Variants in OTOF observed in about 807,000 individuals in gnomAD.
OTOF encodes the protein fer-1-like family member 2.
In OTOF, 218 loss-of-function variants were observed where a neutral mutation model predicts 236.8. The observed-to-expected ratio is 0.92, with a 90% CI of 0.82 to 1.03. The LOEUF (loss-of-function observed/expected upper bound fraction) is 1.03. Among genes scored for constraint, OTOF ranks in the 50% least tolerant of loss-of-function variants. The pLI is 0.00. For missense variants in OTOF, 2,590 were observed against 2,694.4 expected, an observed-to-expected ratio of 0.96 and a Z score of 0.86; for synonymous variants, 1,041 against 1,072.5, an observed-to-expected ratio of 0.97 and a Z score of 0.57.
In OTOF at chr2:26,470,867, C is replaced by G; in HGVS notation, c.3895-146G>C. On this transcript the variant is annotated intron_variant, in intron 31 of 46. Coordinates refer to ENST00000272371, the MANE Select transcript of OTOF (RefSeq NM_194248.3). The surrounding 1 kb of genome is among the most constrained non-coding windows in gnomAD (Gnocchi z 4.3). ...GCCACCCATGTCCAAGGGGCAGGGC[C>G]TTATTTTATGGAGAAGGTGCCACAG... is the stretch of plus-strand genomic sequence containing the variant. 6.9e-7 allele frequency: 1 copy of G among 1,451,078 alleles called. No individual in the cohort carries two copies. Among genetic ancestry groups the G allele is most frequent in the Non-Finnish European group, 9.3e-7 (1 of 1,071,372 alleles). 89.9% of individuals were successfully genotyped at this position (1,451,078 alleles called of 1,614,324 possible).
chr2:26,457,863 G>T lies in OTOF; in HGVS notation c.*375C>A. 1 of 656,560 alleles carries T rather than the reference G, an allele frequency of 1.5e-6. No homozygotes were observed. The highest frequency in any genetic ancestry group is 2.7e-5 in the East Asian group (1 of 37,682). 40.7% of individuals were successfully genotyped at this position (656,560 alleles called of 1,614,324 possible). ...GGGTCAGAGGGGCGGGACTGGGCAA[G>T]CCGCAGCCTGGGGCAGTGAGGACAG... On this transcript the variant is annotated 3_prime_UTR_variant, in exon 47 of 47. Transcript: ENST00000272371. The surrounding 1 kb of genome is among the most constrained non-coding windows in gnomAD (Gnocchi z 4.4).
intron 46 of OTOF, among the ~76,000 whole-genome samples, chr2:26,458,462 T>A (rs1174532662): frequency 3.9e-5 from 6 of 152,240 alleles, no homozygotes; most frequent in African/African-American, 1.4e-4. Context: ...TGGGAGCTAC[T>A]TGCAGCATGG....
At chr2:26,515,483 T>C (rs1426865842) in intron 5 of OTOF, among the ~76,000 whole-genome samples, 1 of 152,230 alleles carries the variant, frequency 6.6e-6, no homozygotes, top group Non-Finnish European at 1.5e-5. Context: ...GGGTGTGAAC[T>C]CATTCAAGTG....
At chr2:26,531,829 C>T (rs758320030) in intron 2 of OTOF, among the ~76,000 whole-genome samples, 6 of 152,060 alleles carry the variant, frequency 3.9e-5, no homozygotes, top group Admixed American at 6.5e-5. Flanking sequence ...GGCAGTGGCT[C>T]ATACCTGCAA....
chr2:26,533,701 A>G (rs1025376721), intron 2 of OTOF, among the ~76,000 whole-genome samples: 1 of 152,064 alleles, frequency 6.6e-6, no homozygotes, highest in Non-Finnish European at 1.5e-5. Flanking sequence ...GGCTTGATGT[A>G]CCACTAGCCC....
chr2:26,495,703 G>A (rs1010472088), intron 8 of OTOF, among the ~76,000 whole-genome samples: 1 of 152,146 alleles, frequency 6.6e-6, no homozygotes, highest in Non-Finnish European at 1.5e-5. Flanking sequence ...TGGAATTACA[G>A]GCATGAGCCA....
chr2:26,530,104 G>T (rs1163406049), intron 2 of OTOF, among the ~76,000 whole-genome samples: 2 of 152,176 alleles, frequency 1.3e-5, no homozygotes, highest in Non-Finnish European at 2.9e-5. Flanking sequence ...GGTTTACTGG[G>T]GATGAAGAGG....
At chr2:26,548,428 C>G (rs75545754) in intron 1 of OTOF, among the ~76,000 whole-genome samples, 2,028 of 152,206 alleles carry the variant, frequency 0.013, 42 homozygotes, top group African/African-American at 0.046. Context: ...TACCTAATTC[C>G]AGAATATTTT....
intron 1 of OTOF, among the ~76,000 whole-genome samples, chr2:26,546,320 G>C (rs1032654639): frequency 3.3e-5 from 5 of 152,242 alleles, no homozygotes; most frequent in Middle Eastern, 3.4e-3. Flanking sequence ...AATTAGCTGG[G>C]AGTGATGGTG....
intron 8 of OTOF, among the ~76,000 whole-genome samples, chr2:26,496,690 A>G (rs1469346481): frequency 6.6e-6 from 1 of 152,134 alleles, no homozygotes; most frequent in African/African-American, 2.4e-5. Context: ...TGGAGGTGTC[A>G]GTTCCTGTCA....
chr2:26,514,736 A>C (rs1002182023), intron 5 of OTOF, among the ~76,000 whole-genome samples: 4 of 152,224 alleles, frequency 2.6e-5, no homozygotes, highest in African/African-American at 9.6e-5. Flanking sequence ...TGAGTGGCAC[A>C]GTCAAGATGG....
intron 1 of OTOF, among the ~76,000 whole-genome samples, chr2:26,545,005 C>T (rs1572495541): frequency 1.3e-5 from 2 of 150,300 alleles, no homozygotes; most frequent in South Asian, 4.2e-4. Context: ...CACACCACTG[C>T]ACTCCAGCCT....
chr2:26,519,082 C>T lies in OTOF; in HGVS notation c.255G>A (p.Leu85=). 1 of 1,605,870 alleles carries T rather than the reference C, an allele frequency of 6.2e-7. No individual in the cohort carries two copies. The highest frequency in any genetic ancestry group is 8.5e-7 in the Non-Finnish European group (1 of 1,174,954). The stretch of plus-strand genomic sequence containing the variant: ...CATGGCTCTCCTCTACCACCTTCTG[C>T]AGCACCATGCGGAAGGTCCCGATGA... The part of the protein sequence containing the change: ...NKLIGTFRMV[L]QKVVEESHVE... The change falls in exon 4 of 47, where the codon CTG becomes CTA. Residue 85 remains leucine, a synonymous_variant. Coordinates refer to ENST00000272371, the MANE Select transcript of OTOF (RefSeq NM_194248.3).
chr2:26,463,172 T>C (rs1384585843), intron 41 of OTOF, among the ~76,000 whole-genome samples: 1 of 152,132 alleles, frequency 6.6e-6, no homozygotes, highest in Non-Finnish European at 1.5e-5. Context: ...GAGATGCATG[T>C]GTATGGGCGC....
intron 5 of OTOF, among the ~76,000 whole-genome samples, chr2:26,505,351 A>G (rs1358575622): frequency 6.6e-6 from 1 of 152,136 alleles, no homozygotes; most frequent in African/African-American, 2.4e-5. Context: ...CTCTAAAATC[A>G]AAGCTGATGC....
Position 26,462,015 on chromosome 2 carries a change from C to T in OTOF, c.5291+68G>A. The stretch of plus-strand genomic sequence containing the variant: ...CCCACAGCCACCTTCCCTCTGCCTC[C>T]TCTCCTGCCCCCCGGGAAGCAAGCC... On this transcript the variant is annotated intron_variant, in intron 42 of 46. Transcript: ENST00000272371. This position sits in a 1 kb window ranked among gnomAD's most constrained non-coding sequence, Gnocchi z 4.7. 1.9e-6 allele frequency: 3 copies of T among 1,612,834 alleles called. No individual in the cohort carries two copies. Among genetic ancestry groups the T allele is most frequent in the Admixed American group, 3.3e-5 (2 of 60,016 alleles).
chr2:26,509,899 G>C (rs1033317039), intron 5 of OTOF, among the ~76,000 whole-genome samples: 1 of 152,138 alleles, frequency 6.6e-6, no homozygotes, highest in Non-Finnish European at 1.5e-5. Flanking sequence ...CCTGTTCTGA[G>C]ACAGATTTGT....
At chr2:26,469,555 A>G (rs1276378998) in intron 32 of OTOF, among the ~76,000 whole-genome samples, 1 of 152,232 alleles carries the variant, frequency 6.6e-6, no homozygotes, top group African/African-American at 2.4e-5. Context: ...TTGGGCCCTG[A>G]AAAAGAAAAG....
At chr2:26,534,814 C>T (rs1004122181) in intron 2 of OTOF, among the ~76,000 whole-genome samples, 2 of 152,126 alleles carry the variant, frequency 1.3e-5, no homozygotes, top group South Asian at 2.1e-4. Context: ...AAGCTGGCTC[C>T]GGCAGGCCCT....
Sources: allele counts gnomAD v4.1 joint callset (sites outside exome capture counted in the v4.1 genomes callset), GRCh38; gene constraint gnomAD v4.1.1; non-coding constraint Gnocchi (gnomAD v3.1); transcripts MANE v1.5; gene names NCBI Gene and HGNC (gene_info 2026-07-23, HGNC 2026-07-21).